HHAT: variants seen among roughly 807,000 people sequenced by gnomAD.
HHAT encodes hedgehog acyltransferase.
Under a neutral mutation model 70.8 loss-of-function variants are expected in HHAT, and 47 were observed. That is an observed-to-expected ratio of 0.66 (90% CI 0.53 to 0.85). HHAT has a LOEUF of 0.85. Ranked by LOEUF, HHAT falls within the 40% of genes least tolerant of loss-of-function variation. The pLI is 0.00. For missense variants in HHAT, 609 were observed against 604.8 expected, an observed-to-expected ratio of 1.01 and a Z score of -0.07; for synonymous variants, 228 against 247.6, an observed-to-expected ratio of 0.92 and a Z score of 0.74.
At position 210,400,654 on chromosome 1, in the gene HHAT, G is replaced by C; in HGVS notation, c.460G>C (p.Glu154Gln). Residue 154 changes from glutamate to glutamine, a missense_variant, in exon 5 of 12, where the codon GAA (glutamate) becomes CAA (glutamine). Coordinates refer to ENST00000261458, the MANE Select transcript of HHAT (RefSeq NM_018194.6). ...CACACTGAGGCTGCAGGGTGTGGAA[G>C]AAGTTAAGGTAAGTGTTTTCCTGTT... is the stretch of plus-strand genomic sequence containing the variant. ...LSTLRLQGVE[E>Q]VKRRWYKTEN... The C allele has an allele frequency of 6.2e-7, 1 of 1,612,466 alleles. No individual in the cohort carries two copies. Among genetic ancestry groups the C allele is most frequent in the Non-Finnish European group, 8.5e-7 (1 of 1,179,320 alleles).
intron 9 of HHAT, among the ~76,000 whole-genome samples, chr1:210,548,442 TGAA>T (rs1247511505): frequency 6.6e-6 from 1 of 152,182 alleles, no homozygotes; most frequent in African/African-American, 2.4e-5. Context: ...AATGAATTAA[TGAA>T]GAACAAATTG....
At chr1:210,396,632 C>G (rs1453128273) in intron 4 of HHAT, among the ~76,000 whole-genome samples, 1 of 152,234 alleles carries the variant, frequency 6.6e-6, no homozygotes, top group Non-Finnish European at 1.5e-5. Context: ...ACACAAAAAT[C>G]TATGCATGTG....
chr1:210,466,123 G>A lies in HHAT; in HGVS notation c.1007+1468G>A, dbSNP rs527800688. Among the ~76,000 whole-genome samples, 9 of 148,032 alleles carry A rather than the reference G, an allele frequency of 6.1e-5. No individual in the cohort carries two copies. The East Asian group carries it at 7.7e-4, about 13-fold the overall frequency. ...GAATTGCAAGGAATCGCAAGGAATC[G>A]CAAGGAATGAATTGCAAGGAATCGC... On this transcript the variant is annotated intron_variant, in intron 8 of 11. Transcript: ENST00000261458.
intron 11 of HHAT, among the ~76,000 whole-genome samples, chr1:210,626,494 G>A (rs1669865526): frequency 6.6e-6 from 1 of 152,154 alleles, no homozygotes; most frequent in Non-Finnish European, 1.5e-5. Context: ...TTATCCAAAT[G>A]AGCCTGTTTG....
Position 210,526,367 on chromosome 1 carries a change from GTT to G in HHAT, c.1043+13189_1043+13190del, listed in dbSNP as rs5780585. 4.1e-4 allele frequency among the ~76,000 whole-genome samples: 58 copies of G among 142,410 alleles called. 1 individual carries two copies. The highest frequency in any genetic ancestry group is 1.4e-3 in the African/African-American group (54 of 38,244). 93.4% of individuals were successfully genotyped at this position (142,410 alleles called of 152,430 possible). The stretch of plus-strand genomic sequence containing the variant: ...TAATAAACTAACCAGAGTGGGTTCT[GTT>G]TTTTTTTTTGCCACTGAGATAACTA... On this transcript the variant is annotated intron_variant, in intron 9 of 11. Transcript: ENST00000261458.
intron 5 of HHAT, among the ~76,000 whole-genome samples, chr1:210,402,288 G>A (rs1490271173): frequency 1.3e-5 from 2 of 152,166 alleles, no homozygotes; most frequent in Non-Finnish European, 2.9e-5. Context: ...AACATCAGGG[G>A]TCATATGCCC....
chr1:210,637,871 A>AAAAGGGG (rs1553312396), intron 11 of HHAT, among the ~76,000 whole-genome samples: 1 of 117,500 alleles, frequency 8.5e-6, no homozygotes, highest in African/African-American at 3.2e-5. Context: ...AAAAAAAAAA[A>AAAAGGGG]GGGGGGGGCA....
intron 3 of HHAT, among the ~76,000 whole-genome samples, chr1:210,379,915 A>G (rs2090503652): frequency 6.6e-6 from 1 of 152,028 alleles, no homozygotes; most frequent in East Asian, 1.9e-4. Flanking sequence ...GTGGGCCTTG[A>G]GTTGGTCAGG....
chr1:210,392,858 C>T (rs1270415289), intron 4 of HHAT, among the ~76,000 whole-genome samples: 1 of 152,168 alleles, frequency 6.6e-6, no homozygotes, highest in Non-Finnish European at 1.5e-5. Flanking sequence ...TAACCTGTTC[C>T]TGATTAGATG....
chr1:210,658,567 G>T (rs766230915), intron 11 of HHAT, among the ~76,000 whole-genome samples: 5 of 151,900 alleles, frequency 3.3e-5, no homozygotes, highest in Non-Finnish European at 7.4e-5. Flanking sequence ...TGACATTGGG[G>T]TGTTCTGTAC....
At chr1:210,413,798 A>C (rs550665434) in intron 6 of HHAT, among the ~76,000 whole-genome samples, 1 of 152,346 alleles carries the variant, frequency 6.6e-6, no homozygotes, top group East Asian at 1.9e-4. Context: ...TTCTTTAAGA[A>C]TATTGAGGCT....
chr1:210,483,919 C>T (rs892088841), intron 8 of HHAT, among the ~76,000 whole-genome samples: 1 of 152,120 alleles, frequency 6.6e-6, no homozygotes, highest in Non-Finnish European at 1.5e-5. Context: ...GGTCAAAATG[C>T]TGTGAATTCA....
At chr1:210,616,099 G>T (rs1264431598) in intron 10 of HHAT, among the ~76,000 whole-genome samples, 1 of 152,084 alleles carries the variant, frequency 6.6e-6, no homozygotes, top group African/African-American at 2.4e-5. Context: ...AAGATGTATT[G>T]GGCAAAACAT....
At chr1:210,457,589 G>A (rs2093896341) in intron 7 of HHAT, among the ~76,000 whole-genome samples, 1 of 152,116 alleles carries the variant, frequency 6.6e-6, no homozygotes, top group Non-Finnish European at 1.5e-5. Flanking sequence ...TCGGAAGGCA[G>A]GGGTCAAACA....
chr1:210,520,463 G>A (rs1469357878), intron 9 of HHAT, among the ~76,000 whole-genome samples: 1 of 151,716 alleles, frequency 6.6e-6, no homozygotes. Context: ...TTTCGCTCTG[G>A]TTTGGTGGTT....
At chr1:210,405,531 A>G (rs2092295347) in intron 6 of HHAT, among the ~76,000 whole-genome samples, 1 of 152,152 alleles carries the variant, frequency 6.6e-6, no homozygotes, top group South Asian at 2.1e-4. Context: ...CACACGCAGA[A>G]CACATACCCA....
intron 3 of HHAT, among the ~76,000 whole-genome samples, chr1:210,374,472 T>G (rs954855032): frequency 1.3e-5 from 2 of 152,226 alleles, no homozygotes; most frequent in African/African-American, 4.8e-5. Flanking sequence ...ACTATGGGTA[T>G]GCAAATGAGA....
rs779397397 is a variant in HHAT, at chr1:210,587,891, T to C, written c.1044-7T>C. On this transcript the variant is annotated splice_region_variant and splice_polypyrimidine_tract_variant and intron_variant, in intron 9 of 11. Coordinates refer to ENST00000261458, the MANE Select transcript of HHAT (RefSeq NM_018194.6). ...GTATGTCTCCTAACAGCCTCTTCTTTCTCTAGGTATGTGTACATTCCAGTG... is the reference window on the plus strand; with the variant it reads ...GTATGTCTCCTAACAGCCTCTTCTTCCTCTAGGTATGTGTACATTCCAGTG... The C allele has an allele frequency of 4.3e-6, 7 of 1,612,168 alleles. No individual in the cohort carries two copies. The highest frequency in any genetic ancestry group is 2.2e-5 in the East Asian group (1 of 44,854).
At chr1:210,616,078 A>G (rs1667665406) in intron 10 of HHAT, among the ~76,000 whole-genome samples, 2 of 152,230 alleles carry the variant, frequency 1.3e-5, no homozygotes, top group South Asian at 4.1e-4. Flanking sequence ...AAAATTTTTA[A>G]ATGACACACA....
Sources: allele counts gnomAD v4.1 joint callset (sites outside exome capture counted in the v4.1 genomes callset), GRCh38; gene constraint gnomAD v4.1.1; transcripts MANE v1.5; gene names NCBI Gene and HGNC (gene_info 2026-07-23, HGNC 2026-07-21).